The following FYB2 variants were observed in gnomAD, a reference collection of about 807,000 sequenced individuals.
FYB2 encodes the protein FYN binding protein 2, also known as FYN-binding protein 2.
FYB2 carries 103 observed loss-of-function variants against 94.1 expected under a neutral mutation model. The observed-to-expected ratio is 1.09, with a 90% confidence interval of 0.93 to 1.29. The LOEUF (loss-of-function observed/expected upper bound fraction) is 1.29, where lower values mean the gene tolerates loss of function less well. FYB2 is among the 50% of genes most tolerant of loss of function. The pLI is 0.00. For synonymous variants in FYB2, 293 were observed against 287.9 expected (o/e 1.02, Z -0.18); for missense variants, 896 against 841.5 (o/e 1.06, Z -0.80).
intron 16 of FYB2, 75 bp from the exon 17 acceptor site, chr1:56,723,756 T>G: frequency 1.3e-6 from 1 of 786,692 alleles, no homozygotes; most frequent in Non-Finnish European, 2.0e-6. Flanking sequence ...ACGAAGTCAC[T>G]TCATTTCAGG....
intron 1 of FYB2, among the ~76,000 whole-genome samples, chr1:56,799,137 C>A (rs1420268120): frequency 3.3e-5 from 5 of 152,106 alleles, no homozygotes; most frequent in African/African-American, 1.2e-4. Context: ...TTGTTACTGA[C>A]CCTGTATTAT....
At chr1:56,766,640 T>C (rs1645629996) in intron 5 of FYB2, among the ~76,000 whole-genome samples, 1 of 152,108 alleles carries the variant, frequency 6.6e-6, no homozygotes, top group Non-Finnish European at 1.5e-5. Context: ...GGTTTCACCG[T>C]GTTAGCCAGG....
chr1:56,751,313 A>T (rs1390371912), intron 8 of FYB2, 110 bp from the exon 9 acceptor site: 1 of 1,157,906 alleles, frequency 8.6e-7, no homozygotes, highest in African/African-American at 1.6e-5. Context: ...ATTATTTATC[A>T]TTTATTTAAC....
chr1:56,742,055 T>C, intron 12 of FYB2, 106 bp downstream of exon 12: 1 of 783,154 alleles, frequency 1.3e-6, no homozygotes, highest in Admixed American at 2.9e-5. Flanking sequence ...GAGTCGGGGG[T>C]GGCAGTGGGG....
chr1:56,753,835 G>A lies in FYB2; in HGVS notation c.1227+4C>T. 6.3e-7 allele frequency: 1 copy of A among 1,593,110 alleles called. No individual in the cohort carries two copies. The highest frequency in any genetic ancestry group is 1.1e-5 in the South Asian group (1 of 90,644). ...AAACTGCAGGAACCGTAGAACATAG[G>A]TACCTTGAAAACATGGTTTGAATAT... On this transcript the variant is annotated splice_donor_region_variant and intron_variant, in intron 8 of 19. Coordinates refer to ENST00000343433, the MANE Select transcript of FYB2 (RefSeq NM_001004303.5).
chr1:56,747,840 CGTT>C (rs1557604698), intron 9 of FYB2, among the ~76,000 whole-genome samples: 1 of 152,020 alleles, frequency 6.6e-6, no homozygotes. Context: ...CTTCCACAAT[CGTT>C]GAACTAATTT....
At chr1:56,747,198 G>A (rs857117) in intron 9 of FYB2, among the ~76,000 whole-genome samples, 34,138 of 151,508 alleles carry the variant, frequency 0.23, 3,950 homozygotes, top group South Asian at 0.33. Flanking sequence ...AACGGTATAT[G>A]TAAATAATGG....
chr1:56,812,872 G>A (rs1246357642), intron 1 of FYB2, among the ~76,000 whole-genome samples: 2 of 152,194 alleles, frequency 1.3e-5, no homozygotes, highest in Non-Finnish European at 2.9e-5. Context: ...TTGCTGATAC[G>A]GTTCACTTAT....
intron 4 of FYB2, among the ~76,000 whole-genome samples, chr1:56,770,182 A>G (rs1645720546): frequency 6.6e-6 from 1 of 152,134 alleles, no homozygotes; most frequent in Non-Finnish European, 1.5e-5. Context: ...TTTAGAGAAA[A>G]TTGGCAACTT....
Position 56,812,976 on chromosome 1 carries a change from A to G in FYB2, c.9+6306T>C, listed in dbSNP as rs2101091210. On this transcript the variant is annotated intron_variant, in intron 1 of 19. Transcript: ENST00000343433. ...ACAGTTCTAGAGGCAAAAGTCCAAGATCAAGATGCTAGCAGGGTTGGTTCT... is the reference window on the plus strand; with the variant it reads ...ACAGTTCTAGAGGCAAAAGTCCAAGGTCAAGATGCTAGCAGGGTTGGTTCT... Among the ~76,000 whole-genome samples, 3 of 152,336 alleles carry G rather than the reference A, an allele frequency of 2.0e-5. No individual in the cohort carries two copies. In the South Asian group the frequency reaches 6.2e-4, roughly 32 times the overall value.
rs1557616923 is a variant in FYB2, at chr1:56,757,691, T to TTCCTTCC, written c.1098+1024_1098+1025insGGAAGGA. ...TCTTTCCTCTTTCCTTCCTTCCTTC[T>TTCCTTCC]TTCTTTCTTTCTTTCTTTCTTTCTT... On this transcript the variant is annotated intron_variant, in intron 6 of 19. Coordinates refer to ENST00000343433, the MANE Select transcript of FYB2 (RefSeq NM_001004303.5). 4.4e-3 allele frequency among the ~76,000 whole-genome samples: 310 copies of TTCCTTCC among 70,044 alleles called. 3 individuals are homozygous for TTCCTTCC. Among genetic ancestry groups the TTCCTTCC allele is most frequent in the African/African-American group, 0.012 (239 of 20,672 alleles). 46.0% of individuals were successfully genotyped at this position (70,044 alleles called of 152,430 possible).
At chr1:56,725,548 G>T (rs1644567775) in intron 16 of FYB2, among the ~76,000 whole-genome samples, 1 of 152,008 alleles carries the variant, frequency 6.6e-6, no homozygotes, top group South Asian at 2.1e-4. Context: ...GATCAAAAAT[G>T]TTACTAATAG....
Position 56,767,896 on chromosome 1 carries a change from T to C in FYB2, c.996A>G (p.Ala332=). ...CAGAGTGTCTCAGATATGAAATTGT[T>C]GCCTCGTAATTATGTGGTTCTTCAA... ...AEFEEPHNYE[A]TISYLRHSGN... Residue 332 remains alanine (A), a synonymous_variant, in exon 5 of 20, where the codon GCA becomes GCG. Coordinates refer to ENST00000343433, the MANE Select transcript of FYB2 (RefSeq NM_001004303.5). 4 of 1,612,158 alleles carry C rather than the reference T, an allele frequency of 2.5e-6. No individual in the cohort carries two copies. Among genetic ancestry groups the C allele is most frequent in the Non-Finnish European group, 3.4e-6 (4 of 1,179,326 alleles).
At position 56,741,486 on chromosome 1, in the gene FYB2, T is replaced by C. The variant is rs548915753; in HGVS notation, c.1604+675A>G. On this transcript the variant is annotated intron_variant, in intron 12 of 19. Transcript: ENST00000343433. The stretch of plus-strand genomic sequence containing the variant: ...TTGATTACCCAGCTGATGATTACAA[T>C]TCTGTCAAATATCCTTTTGGGGCCT... Among the ~76,000 whole-genome samples, 35 of 152,200 alleles carry C rather than the reference T, an allele frequency of 2.3e-4. No homozygotes were observed. The South Asian group carries it at 6.2e-3, about 27-fold the overall frequency.
At chr1:56,782,191 T>C (rs1317099724) in intron 4 of FYB2, among the ~76,000 whole-genome samples, 1 of 152,160 alleles carries the variant, frequency 6.6e-6, no homozygotes, top group Non-Finnish European at 1.5e-5. Flanking sequence ...TACTGATCTA[T>C]CGAACACTAG....
At chr1:56,772,752 AAC>A (rs1271627815) in intron 4 of FYB2, among the ~76,000 whole-genome samples, 2 of 152,134 alleles carry the variant, frequency 1.3e-5, no homozygotes, top group Non-Finnish European at 2.9e-5. Flanking sequence ...TGCTCTATAA[AAC>A]AGTTATAATA....
At chr1:56,812,992 G>T (rs145602013) in intron 1 of FYB2, among the ~76,000 whole-genome samples, 1 of 152,268 alleles carries the variant, frequency 6.6e-6, no homozygotes, top group Non-Finnish European at 1.5e-5. Context: ...ATGCTAGCAG[G>T]GTTGGTTCTT....
intron 1 of FYB2, among the ~76,000 whole-genome samples, chr1:56,811,274 T>C (rs1646760689): frequency 6.6e-6 from 1 of 152,206 alleles, no homozygotes; most frequent in African/African-American, 2.4e-5. Flanking sequence ...AATAGTGGTA[T>C]TGTAACCAAG....
intron 9 of FYB2, 95 bp downstream of exon 9, chr1:56,750,949 C>A: frequency 2.1e-6 from 3 of 1,409,254 alleles, no homozygotes; most frequent in Non-Finnish European, 2.9e-6. Flanking sequence ...AATAGATGTT[C>A]AATAAATATT....
Sources: allele counts gnomAD v4.1 joint callset (sites outside exome capture counted in the v4.1 genomes callset), GRCh38; gene constraint gnomAD v4.1.1; transcripts MANE v1.5; gene names NCBI Gene and HGNC (gene_info 2026-07-23, HGNC 2026-07-21).